The following ALDH4A1 variants were observed in gnomAD, a reference collection of about 807,000 sequenced individuals.
ALDH4A1 encodes the protein aldehyde dehydrogenase 4 family member A1, also known as delta-1-pyrroline-5-carboxylate dehydrogenase, mitochondrial.
Under a neutral mutation model 70.5 loss-of-function variants are expected in ALDH4A1, and 46 were observed. The observed-to-expected ratio is 0.65, with a 90% confidence interval of 0.51 to 0.83. The LOEUF (loss-of-function observed/expected upper bound fraction) is 0.83, where lower values mean the gene tolerates loss of function less well. ALDH4A1 is among the 40% of genes least tolerant of loss of function. The probability of loss-of-function intolerance (pLI) is 0.00; values close to 1 mark genes in which losing one functional copy is unlikely to be tolerated. For missense variants in ALDH4A1, 749 were observed against 766.5 expected (o/e 0.98, Z 0.27); for synonymous variants, 323 against 324.3 (o/e 1.00, Z 0.04).
At chr1:18,881,405 G>A (rs879890973) in intron 8 of ALDH4A1, among the ~76,000 whole-genome samples, 3 of 152,182 alleles carry the variant, frequency 2.0e-5, no homozygotes, top group Non-Finnish European at 4.4e-5. Context: ...AGGTAGCACT[G>A]AAATCAATAT....
intron 1 of ALDH4A1, among the ~76,000 whole-genome samples, chr1:18,899,952 G>GA (rs1284305064): frequency 6.6e-6 from 1 of 152,124 alleles, no homozygotes; most frequent in Non-Finnish European, 1.5e-5. Flanking sequence ...TGTATAAAGG[G>GA]AAAAAACAAG....
At chr1:18,884,359 T>TG (rs1935109363) in intron 5 of ALDH4A1, among the ~76,000 whole-genome samples, 1 of 152,066 alleles carries the variant, frequency 6.6e-6, no homozygotes, top group Admixed American at 6.6e-5. Context: ...CAGTGGCAAA[T>TG]GCCTGATCCA....
In ALDH4A1 at chr1:18,902,283, C is replaced by A. The variant is rs112364224; in HGVS notation, c.62+179G>T. Among the ~76,000 whole-genome samples the A allele has an allele frequency of 2.6e-5, 4 of 152,300 alleles. 1 individual carries two copies. Among genetic ancestry groups the A allele is most frequent in the African/African-American group, 9.6e-5 (4 of 41,572 alleles). ...TACCTGAGGGAGGAGGCTAAGGGAT[C>A]TCAGTGGGAGAAAGGCCTGGGTGGG... On this transcript the variant is annotated intron_variant, in intron 1 of 14. Transcript: ENST00000375341.
At position 18,880,572 on chromosome 1, in the gene ALDH4A1, G is replaced by C. The variant is rs1934928673; in HGVS notation, c.866+1128C>G. ...TGCATCAGGTCACAGAGAGATCACT[G>C]AGAATGAGGGTGCCAACACAGGGGC... On this transcript the variant is annotated intron_variant, in intron 8 of 14. Transcript: ENST00000375341. This position sits in a 1 kb window ranked among gnomAD's most constrained non-coding sequence, Gnocchi z 5.1. Among the ~76,000 whole-genome samples the C allele has an allele frequency of 6.6e-6, 1 of 152,078 alleles. No individual in the cohort carries two copies. Among genetic ancestry groups the C allele is most frequent in the South Asian group, 2.1e-4 (1 of 4,820 alleles).
intron 1 of ALDH4A1, among the ~76,000 whole-genome samples, chr1:18,900,530 T>A (rs1935765352): frequency 6.6e-6 from 1 of 152,176 alleles, no homozygotes; most frequent in Non-Finnish European, 1.5e-5. Context: ...TTCGTAATTG[T>A]CAGGGCCGGG....
intron 1 of ALDH4A1, among the ~76,000 whole-genome samples, chr1:18,897,970 G>T (rs549692343): frequency 6.6e-6 from 1 of 152,150 alleles, no homozygotes; most frequent in Non-Finnish European, 1.5e-5. Context: ...GATTAAGGAG[G>T]CTGCAAGAAA....
At chr1:18,885,427 T>TACCAACCCCCCCCCCCCC in intron 5 of ALDH4A1, 46 bp downstream of exon 5, 1 of 650,922 alleles carries the variant, frequency 1.5e-6, no homozygotes, top group Non-Finnish European at 2.7e-6. Context: ...CACACCTGAC[T>TACCAACCCCCCCCCCCCC]CCCACCCCAC....
chr1:18,894,435 C>T (rs1315770792), intron 1 of ALDH4A1, among the ~76,000 whole-genome samples: 1 of 152,208 alleles, frequency 6.6e-6, no homozygotes, highest in Non-Finnish European at 1.5e-5. Flanking sequence ...CCCAGCTACT[C>T]AGGAGGCTGA....
intron 1 of ALDH4A1, chr1:18,890,306 C>A: frequency 1.9e-6 from 1 of 539,406 alleles, no homozygotes. Context: ...CTTTGGGAGA[C>A]CAAGGCGGGC....
chr1:18,877,633 G>GCCCCCGCCCCCCCCC, intron 9 of ALDH4A1, 21 bp from the exon 10 acceptor site: 2 of 683,790 alleles, frequency 2.9e-6, no homozygotes, highest in Non-Finnish European at 5.2e-6. Context: ...CGGGGGTGGG[G>GCCCCCGCCCCCCCCC]AAATGACCAG....
At position 18,889,383 on chromosome 1, in the gene ALDH4A1, C is replaced by T. The variant is rs145686117; in HGVS notation, c.228G>A (p.Ser76=). 5,395 of 1,552,608 alleles carry T rather than the reference C, an allele frequency of 3.5e-3. 19 individuals carry two copies. Among genetic ancestry groups the T allele is most frequent in the Non-Finnish European group, 4.2e-3 (4,852 of 1,147,506 alleles). Residue 76 remains serine, a synonymous_variant, in exon 3 of 15, where the codon TCG becomes TCA. Transcript: ENST00000375341. ...ATACCGACACTTGGTACTGCACGTC[C>T]GACGTCCACACCTCCTCATCCCCCA... The part of the protein sequence containing the change: ...CVVGDEEVWT[S]DVQYQVSPFN...
At chr1:18,884,877 T>C (rs1044087078) in intron 5 of ALDH4A1, among the ~76,000 whole-genome samples, 4 of 152,114 alleles carry the variant, frequency 2.6e-5, no homozygotes, top group African/African-American at 9.7e-5. Flanking sequence ...CAGCAGGCAT[T>C]CCAGGCAGGA....
At chr1:18,902,374 G>A (rs1935829254) in intron 1 of ALDH4A1, 88 bp downstream of exon 1, 3 of 1,124,424 alleles carry the variant, frequency 2.7e-6, no homozygotes, top group South Asian at 4.3e-5. Flanking sequence ...GGCAGGGAGG[G>A]AGTGCGGCGC....
chr1:18,888,723 C>T (rs531053268), intron 3 of ALDH4A1, among the ~76,000 whole-genome samples: 3 of 152,214 alleles, frequency 2.0e-5, no homozygotes, highest in Non-Finnish European at 4.4e-5. Context: ...TTGGACAGCT[C>T]CAGGTAGTCC....
intron 1 of ALDH4A1, among the ~76,000 whole-genome samples, chr1:18,897,609 C>T (rs892850686): frequency 6.6e-6 from 1 of 152,182 alleles, no homozygotes; most frequent in Non-Finnish European, 1.5e-5. Flanking sequence ...GACACTCGAC[C>T]GTAGAATGAT....
chr1:18,881,095 C>A (rs1328969809), intron 8 of ALDH4A1, among the ~76,000 whole-genome samples: 1 of 152,084 alleles, frequency 6.6e-6, no homozygotes, highest in African/African-American at 2.4e-5. Flanking sequence ...CATGGATGGT[C>A]GAGATCAGGT....
intron 3 of ALDH4A1, 95 bp downstream of exon 3, chr1:18,889,267 A>G: frequency 8.5e-7 from 1 of 1,177,886 alleles, no homozygotes; most frequent in Admixed American, 2.0e-5. Context: ...AAGGCCTTGA[A>G]GTCAGAGCCC....
At chr1:18,889,934 G>A (rs4592275) in intron 2 of ALDH4A1, 78 bp downstream of exon 2, 246,587 of 1,230,586 alleles carry the variant, frequency 0.2, 26,418 homozygotes, top group Admixed American at 0.26. Context: ...GCAGGCACGG[G>A]GCGCTATCTC....
intron 5 of ALDH4A1, 46 bp downstream of exon 5, chr1:18,885,427 T>TTCCCCCCCCCCCCCCC: frequency 2.3e-5 from 15 of 650,912 alleles, no homozygotes; most frequent in Admixed American, 4.6e-5. Context: ...CACACCTGAC[T>TTCCCCCCCCCCCCCCC]CCCACCCCAC....
Sources: allele counts gnomAD v4.1 joint callset (sites outside exome capture counted in the v4.1 genomes callset), GRCh38; gene constraint gnomAD v4.1.1; non-coding constraint Gnocchi (gnomAD v3.1); transcripts MANE v1.5; gene names NCBI Gene and HGNC (gene_info 2026-07-23, HGNC 2026-07-21).